CUX1: variants seen among roughly 807,000 people sequenced by gnomAD.
The protein encoded by CUX1 is cut like homeobox 1.
CUX1 carries 31 observed loss-of-function variants against 158.8 expected under a neutral mutation model. The ratio of observed to expected loss-of-function variants is 0.20; its 90% confidence interval spans 0.15 to 0.26. The LOEUF is 0.26. CUX1 is among the 10% of genes least tolerant of loss of function. CUX1 has a pLI of 1.00. For missense variants in CUX1, 1,589 were observed against 2,014.6 expected (o/e 0.79, Z 4.04); for synonymous variants, 879 against 862.1 (o/e 1.02, Z -0.34).
intron 15 of CUX1, 127 bp from the exon 16 acceptor site, chr7:102,198,675 G>A (rs1795060570): frequency 3.9e-6 from 3 of 773,662 alleles, no homozygotes; most frequent in Non-Finnish European, 6.5e-6. Flanking sequence ...AAACTCCCGA[G>A]TTGCACAGGC....
In CUX1 at chr7:102,029,408, T is replaced by C. The variant is rs537155675; in HGVS notation, c.189+1263T>C. Among the ~76,000 whole-genome samples, 213 of 152,228 alleles carry C rather than the reference T, an allele frequency of 1.4e-3. 3 individuals carry two copies. The highest frequency in any genetic ancestry group is 6.8e-3 in the Middle Eastern group (2 of 294). On this transcript the variant is annotated intron_variant, in intron 3 of 23. Coordinates refer to ENST00000292535, the MANE Select transcript of CUX1 (RefSeq NM_181552.4). ...GGCCGTGAGATACAGTAGGTTCCTC[T>C]TGGGACACAGGTGATGTGGGCCTTA...
rs1238300580 is a variant in CUX1 at position 101,817,938 on chromosome 7, G to T, written c.30+269G>T. ...TACCTTTGGGAGCAAAGCTCGAGAT[G>T]CAGGCTTGTATCAAACGAAGCGGGT... On this transcript the variant is annotated intron_variant, in intron 1 of 23. Transcript: ENST00000292535. The surrounding 1 kb of genome is among the most constrained non-coding windows in gnomAD (Gnocchi z 4.1). Among the ~76,000 whole-genome samples the T allele has an allele frequency of 1.3e-5, 2 of 152,238 alleles. No homozygotes were observed. Among genetic ancestry groups the T allele is most frequent in the Non-Finnish European group, 2.9e-5 (2 of 68,044 alleles).
chr7:102,117,588 G>A (rs1831565036), intron 8 of CUX1, among the ~76,000 whole-genome samples: 1 of 152,072 alleles, frequency 6.6e-6, no homozygotes, highest in African/African-American at 2.4e-5. Context: ...GGGACCCAGG[G>A]CAGCGCCAGG....
At chr7:102,205,034 G>T in intron 19 of CUX1, 80 bp from the exon 20 acceptor site, 1 of 989,522 alleles carries the variant, frequency 1.0e-6, no homozygotes, top group Non-Finnish European at 1.6e-6. Context: ...AAGCCTCCCC[G>T]GGCCTTGCCA....
intron 5 of CUX1, among the ~76,000 whole-genome samples, chr7:102,100,904 T>C (rs1164658806): frequency 6.6e-6 from 1 of 152,198 alleles, no homozygotes; most frequent in African/African-American, 2.4e-5. Context: ...ATTTGCCTCA[T>C]GGTTCTGCAG....
At chr7:102,045,773 C>T (rs1296584568) in intron 3 of CUX1, among the ~76,000 whole-genome samples, 1 of 152,230 alleles carries the variant, frequency 6.6e-6, no homozygotes, top group African/African-American at 2.4e-5. Flanking sequence ...TTATTTTTAA[C>T]ATCCTCTCGG....
Position 101,916,153 on chromosome 7 carries a change from G to T in CUX1, c.69G>T (p.Arg23=). Residue 23 remains arginine, a synonymous_variant, in exon 2 of 24, where the codon CGG becomes CGT. Coordinates refer to ENST00000292535, the MANE Select transcript of CUX1 (RefSeq NM_181552.4). The surrounding 1 kb of genome is among the most constrained non-coding windows in gnomAD (Gnocchi z 4.4). ...LDATATVLAN[R]QDESEQSRKR... Reference sequence around the variant, plus strand: ...CCACCGCAACGGTATTGGCGAACCGGCAGGATGAAAGTGAGCAGTCCAGAA... The same window carrying T: ...CCACCGCAACGGTATTGGCGAACCGTCAGGATGAAAGTGAGCAGTCCAGAA... 6.2e-7 allele frequency: 1 copy of T among 1,613,956 alleles called. No homozygotes were observed. Among genetic ancestry groups the T allele is most frequent in the South Asian group, 1.1e-5 (1 of 91,074 alleles).
chr7:102,167,682 T>C (rs1791203332), intron 9 of CUX1, among the ~76,000 whole-genome samples: 1 of 152,248 alleles, frequency 6.6e-6, no homozygotes, highest in African/African-American at 2.4e-5. Context: ...AGGCGTAAGC[T>C]CTTCAGTGAT....
rs116908947 is a variant in CUX1 at position 102,087,047 on chromosome 7, A to G, written c.269-10317A>G. Among the ~76,000 whole-genome samples, 747 of 152,268 alleles carry G rather than the reference A, an allele frequency of 4.9e-3. 4 individuals are homozygous for G. Among genetic ancestry groups the G allele is most frequent in the South Asian group, 0.026 (124 of 4,822 alleles). On this transcript the variant is annotated intron_variant, in intron 4 of 23. Transcript: ENST00000292535. ...CTGTATCTTTATGTTTAAGTTATGT[A>G]AATACCTACATCTTGCTTTTTTATC...
intron 2 of CUX1, among the ~76,000 whole-genome samples, chr7:101,939,662 C>T (rs746426145): frequency 4.0e-5 from 6 of 151,738 alleles, no homozygotes; most frequent in African/African-American, 1.5e-4. Flanking sequence ...TGAAACCCCA[C>T]CTCTATAAAA....
At chr7:102,119,493 C>T (rs1831806798) in intron 8 of CUX1, among the ~76,000 whole-genome samples, 1 of 152,168 alleles carries the variant, frequency 6.6e-6, no homozygotes. Flanking sequence ...TTGATGAATA[C>T]AGCTGGTCTT....
In CUX1 at chr7:102,256,574, G is replaced by A; in HGVS notation, c.*7532G>A. 2 of 985,390 alleles carry A rather than the reference G, an allele frequency of 2.0e-6. No homozygotes were observed. The highest frequency in any genetic ancestry group is 3.5e-5 in the African/African-American group (2 of 57,352). The allele number at this position is 985,390 out of a possible 1,614,324, so 61.0% of individuals were successfully genotyped here. A position where few individuals can be genotyped will look rare whatever the true frequency, so the allele number is the denominator to read the frequency against. On this transcript the variant is annotated 3_prime_UTR_variant, in exon 24 of 24. Coordinates refer to ENST00000292535, the MANE Select transcript of CUX1 (RefSeq NM_181552.4). ...CAGAGTAGCCACTCAAAAACTGGTG[G>A]TCTCTATGTGTCTAACTTTTTAAAT... is the stretch of plus-strand genomic sequence containing the variant.
intron 4 of CUX1, among the ~76,000 whole-genome samples, chr7:102,081,130 T>C (rs1827339577): frequency 6.6e-6 from 1 of 152,214 alleles, no homozygotes; most frequent in South Asian, 2.1e-4. Flanking sequence ...TTTTGTGGCC[T>C]TCTCCTCTTC....
chr7:102,268,963 G>A (rs1169079202), intron 14 of CUX1, among the ~76,000 whole-genome samples: 1 of 149,606 alleles, frequency 6.7e-6, no homozygotes. Context: ...TTGAGACAGG[G>A]TCTTACTCTG....
chr7:102,264,444 C>T (rs976885483), intron 14 of CUX1, among the ~76,000 whole-genome samples: 3 of 152,270 alleles, frequency 2.0e-5, no homozygotes, highest in South Asian at 2.1e-4. Flanking sequence ...CCAGCATGGC[C>T]GCAGCACCGT....
chr7:101,878,206 T>G (rs968424891), intron 1 of CUX1, among the ~76,000 whole-genome samples: 4 of 152,074 alleles, frequency 2.6e-5, no homozygotes, highest in African/African-American at 9.7e-5. Context: ...CACATTGCAG[T>G]AAGGAGTCAA....
intron 4 of CUX1, among the ~76,000 whole-genome samples, chr7:102,084,886 A>G (rs1585595230): frequency 1.3e-5 from 1 of 74,374 alleles, no homozygotes; most frequent in African/African-American, 6.0e-5. Context: ...TTTTTTTGGC[A>G]CTTGCTACCT....
chr7:101,817,493 C>T, upstream of CUX1: 1 of 1,117,136 alleles, frequency 9.0e-7, no homozygotes, highest in East Asian at 4.9e-5. The surrounding 1 kb of genome is among the most constrained non-coding windows in gnomAD (Gnocchi z 4.1). Context: ...GGCTCCCCGG[C>T]CCGCGCCCGA....
chr7:102,112,057 C>A (rs11762503), intron 7 of CUX1: 3 of 297,412 alleles, frequency 1.0e-5, no homozygotes, highest in African/African-American at 2.2e-5. Flanking sequence ...ACAAACACTT[C>A]TAAATCACCA....
Sources: allele counts gnomAD v4.1 joint callset (sites outside exome capture counted in the v4.1 genomes callset), GRCh38; gene constraint gnomAD v4.1.1; non-coding constraint Gnocchi (gnomAD v3.1); transcripts MANE v1.5; gene names NCBI Gene and HGNC (gene_info 2026-07-23, HGNC 2026-07-21).